SGCD: variants seen among roughly 807,000 people sequenced by gnomAD.
The protein encoded by SGCD is sarcoglycan delta, also known as delta-sarcoglycan.
Under a neutral mutation model 36.6 loss-of-function variants are expected in SGCD, and 18 were observed. That is an observed-to-expected ratio of 0.49 (90% CI 0.34 to 0.73). The LOEUF is 0.73. Ranked by LOEUF, SGCD falls within the 30% of genes least tolerant of loss-of-function variation. The pLI is 0.01. For missense variants in SGCD, 387 were observed against 346.7 expected (o/e 1.12, Z -0.92); for synonymous variants, 133 against 130.6 (o/e 1.02, Z -0.12).
chr5:156,645,924 G>C (rs947148530), intron 6 of SGCD, among the ~76,000 whole-genome samples: 3 of 152,152 alleles, frequency 2.0e-5, no homozygotes, highest in African/African-American at 7.2e-5. Flanking sequence ...ACTGCTGGTT[G>C]CTTTGTGCCA....
chr5:156,235,238 G>A (rs1765125524), intron 3 of SGCD, among the ~76,000 whole-genome samples: 2 of 86,938 alleles, frequency 2.3e-5, no homozygotes, highest in South Asian at 6.6e-4. Context: ...GGAGGACTGT[G>A]CATGTGGCTT....
chr5:156,461,550 A>G (rs1754490241), intron 3 of SGCD, among the ~76,000 whole-genome samples: 1 of 152,124 alleles, frequency 6.6e-6, no homozygotes, highest in Non-Finnish European at 1.5e-5. Flanking sequence ...CAGGCTATAA[A>G]TTAGTTTTCA....
At chr5:156,147,103 G>A (rs186793771) in intron 3 of SGCD, among the ~76,000 whole-genome samples, 8 of 152,268 alleles carry the variant, frequency 5.3e-5, no homozygotes, top group East Asian at 1.9e-4. Context: ...AAGGAACAAC[G>A]TAATGTCCAC....
intron 3 of SGCD, among the ~76,000 whole-genome samples, chr5:156,196,346 A>T (rs894611856): frequency 5.9e-5 from 9 of 152,170 alleles, no homozygotes; most frequent in Non-Finnish European, 8.8e-5. Context: ...AAGACCCCAA[A>T]CTACCTTTAA....
At chr5:155,787,286 T>C in the SGCD span, among the ~76,000 whole-genome samples, 4 of 152,166 alleles carry the variant, frequency 2.6e-5, no homozygotes, top group Non-Finnish European at 4.4e-5. Context: ...GACTATACAA[T>C]TTTATAAAGG....
At chr5:156,564,108 A>G (rs1185132819) in intron 4 of SGCD, among the ~76,000 whole-genome samples, 1 of 152,230 alleles carries the variant, frequency 6.6e-6, no homozygotes, top group Non-Finnish European at 1.5e-5. Flanking sequence ...TTGTATCAAA[A>G]CACTATTGTT....
At chr5:156,332,058 G>T (rs182976448) in intron 2 of SGCD, among the ~76,000 whole-genome samples, 418 of 152,246 alleles carry the variant, frequency 2.7e-3, no homozygotes, top group African/African-American at 9.8e-3. Flanking sequence ...GCTTCCCTCA[G>T]GGGTCAGGAA....
At chr5:156,422,548 C>T (rs930418134) in intron 3 of SGCD, among the ~76,000 whole-genome samples, 7 of 152,014 alleles carry the variant, frequency 4.6e-5, no homozygotes, top group Non-Finnish European at 7.4e-5. Flanking sequence ...CCACAAGATC[C>T]TCGATATCCA....
chr5:155,825,105 G>T, the SGCD span, among the ~76,000 whole-genome samples: 1 of 152,112 alleles, frequency 6.6e-6, no homozygotes. Flanking sequence ...TGATGTTAGA[G>T]TTTGATTCTA....
chr5:155,811,638 C>T, the SGCD span, among the ~76,000 whole-genome samples: 3 of 152,068 alleles, frequency 2.0e-5, no homozygotes, highest in African/African-American at 4.8e-5. Context: ...GCCAGCAGCC[C>T]GCAATGCAAC....
At chr5:156,412,860 A>G (rs1042553512) in intron 3 of SGCD, among the ~76,000 whole-genome samples, 1 of 147,430 alleles carries the variant, frequency 6.8e-6, no homozygotes, top group African/African-American at 2.5e-5. Context: ...CAGTGGCGCA[A>G]TCTCGGCTCA....
chr5:156,453,746 C>G (rs1201605643), intron 3 of SGCD, among the ~76,000 whole-genome samples: 2 of 152,108 alleles, frequency 1.3e-5, no homozygotes, highest in Non-Finnish European at 2.9e-5. Context: ...AAAAAACAAA[C>G]AAACAAACAA....
At chr5:156,727,524 G>A (rs1443813941) in intron 7 of SGCD, among the ~76,000 whole-genome samples, 1 of 152,160 alleles carries the variant, frequency 6.6e-6, no homozygotes, top group African/African-American at 2.4e-5. Flanking sequence ...GAATACCTAG[G>A]TTCTTAAAAT....
At chr5:156,214,178 G>A (rs569472091) in intron 3 of SGCD, among the ~76,000 whole-genome samples, 20 of 152,032 alleles carry the variant, frequency 1.3e-4, no homozygotes, top group Admixed American at 1.3e-3. Flanking sequence ...TCTGCTTGCA[G>A]ATATCAGGAT....
At chr5:155,895,129 C>T (rs1467112715) in intron 1 of SGCD, among the ~76,000 whole-genome samples, 5 of 152,170 alleles carry the variant, frequency 3.3e-5, no homozygotes, top group Non-Finnish European at 7.3e-5. Context: ...GCTACAAGAC[C>T]TTTGATGTTT....
upstream of SGCD, among the ~76,000 whole-genome samples, chr5:156,325,529 A>T (rs550185823): frequency 3.9e-5 from 6 of 152,314 alleles, no homozygotes; most frequent in African/African-American, 1.4e-4. Context: ...CAGGGTTTAT[A>T]GTCAGTAAGA....
intron 1 of SGCD, among the ~76,000 whole-genome samples, chr5:155,994,579 T>A (rs1432725): frequency 0.29 from 44,367 of 152,076 alleles, 6,511 homozygotes; most frequent in South Asian, 0.37. Context: ...GGGATCAAGT[T>A]CTGGTCTTGC....
intron 1 of SGCD, among the ~76,000 whole-genome samples, chr5:156,021,892 C>T (rs564667717): frequency 2.6e-5 from 4 of 152,280 alleles, no homozygotes; most frequent in East Asian, 3.9e-4. Flanking sequence ...ATGTAATTCA[C>T]ATGCTATACA....
intron 7 of SGCD, among the ~76,000 whole-genome samples, chr5:156,699,476 AT>A (rs113240058): frequency 0.012 from 1,767 of 147,496 alleles, 23 homozygotes; most frequent in African/African-American, 0.038. Flanking sequence ...ATTTCAGTTC[AT>A]TTTTTTTTTT....
Sources: gnomAD v4.1 joint callset for allele counts (sites outside exome capture counted in the v4.1 genomes callset) on GRCh38, gnomAD v4.1.1 for gene constraint, MANE v1.5 for transcripts, NCBI Gene and HGNC (gene_info 2026-07-23, HGNC 2026-07-21) for gene names.